XPNPEP3: variants seen among roughly 807,000 people sequenced by gnomAD.
XPNPEP3 encodes X-prolyl aminopeptidase 3.
XPNPEP3 carries 41 observed loss-of-function variants against 60.0 expected under a neutral mutation model. The observed-to-expected ratio is 0.68, with a 90% confidence interval of 0.53 to 0.89. XPNPEP3 has a LOEUF of 0.89. Among genes scored for constraint, XPNPEP3 ranks in the 40% least tolerant of loss-of-function variants. XPNPEP3 has a pLI of 0.00. For synonymous variants in XPNPEP3, 212 were observed against 223.2 expected (o/e 0.95, Z 0.45); for missense variants, 598 against 638.9 (o/e 0.94, Z 0.69).
chr22:40,862,716 A>C (rs977422960), intron 1 of XPNPEP3: 24 of 985,344 alleles, frequency 2.4e-5, no homozygotes, highest in African/African-American at 5.2e-5. Context: ...TTGTCCACCC[A>C]AGGTTTACTG....
chr22:40,890,449 C>T (rs1601504345), intron 4 of XPNPEP3, among the ~76,000 whole-genome samples: 1 of 151,818 alleles, frequency 6.6e-6, no homozygotes, highest in Non-Finnish European at 1.5e-5. Context: ...TGAGGTAGGA[C>T]GATCACTTGA....
intron 4 of XPNPEP3, among the ~76,000 whole-genome samples, chr22:40,897,959 G>A (rs1468398587): frequency 6.6e-6 from 1 of 151,974 alleles, no homozygotes; most frequent in African/African-American, 2.4e-5. Flanking sequence ...TGAGTTGTGG[G>A]AATTCCTTAT....
intron 4 of XPNPEP3, among the ~76,000 whole-genome samples, chr22:40,899,084 A>G (rs993041725): frequency 1.3e-5 from 2 of 152,206 alleles, no homozygotes; most frequent in East Asian, 3.8e-4. Context: ...AGAGTTCCTC[A>G]GGGTATTGCA....
Position 40,860,535 on chromosome 22 carries a change from T to C in XPNPEP3, c.64+3290T>C, listed in dbSNP as rs2057936498. The C allele has an allele frequency of 1.1e-5, 8 of 760,556 alleles. No individual in the cohort carries two copies. In the South Asian group the frequency reaches 2.4e-4, roughly 23 times the overall value. The allele number at this position is 760,556 out of a possible 1,614,324, so 47.1% of individuals were successfully genotyped here. The stretch of plus-strand genomic sequence containing the variant: ...TGTGTCTTGATACATTCTTGTCTTC[T>C]AATGCTATGCATGTTTCGTAAGTTT... On this transcript the variant is annotated intron_variant, in intron 1 of 9. Coordinates refer to ENST00000357137, the MANE Select transcript of XPNPEP3 (RefSeq NM_022098.4).
chr22:40,861,085 A>T (rs1236725325), intron 1 of XPNPEP3: 1 of 1,590,212 alleles, frequency 6.3e-7, no homozygotes, highest in South Asian at 1.2e-5. Context: ...CTTTTGGTAG[A>T]CTTCTTTTGC....
At chr22:40,872,357 C>T (rs564003620) in intron 2 of XPNPEP3, among the ~76,000 whole-genome samples, 1 of 152,168 alleles carries the variant, frequency 6.6e-6, no homozygotes, top group East Asian at 1.9e-4. Context: ...AAATGTTGGT[C>T]AGTCTCTTTG....
chr22:40,877,410 T>G (rs1233877199), intron 2 of XPNPEP3, among the ~76,000 whole-genome samples: 5 of 152,232 alleles, frequency 3.3e-5, no homozygotes, highest in African/African-American at 1.2e-4. Context: ...AATACAAACC[T>G]AGATTGTAGT....
chr22:40,862,752 G>A (rs2057957937), intron 1 of XPNPEP3: 1 of 985,364 alleles, frequency 1.0e-6, no homozygotes, highest in Non-Finnish European at 1.2e-6. Flanking sequence ...TTAAAGATTT[G>A]GAAAGTTGTG....
chr22:40,896,406 C>T (rs1441158181), intron 4 of XPNPEP3, among the ~76,000 whole-genome samples: 1 of 152,056 alleles, frequency 6.6e-6, no homozygotes, highest in African/African-American at 2.4e-5. Flanking sequence ...TGGCGCATGC[C>T]TGCAATCCCA....
intron 3 of XPNPEP3, among the ~76,000 whole-genome samples, chr22:40,885,842 C>T (rs1444843122): frequency 1.3e-5 from 2 of 152,104 alleles, no homozygotes; most frequent in Non-Finnish European, 2.9e-5. Context: ...ATTAGCTGGG[C>T]ATGGTGGCGG....
chr22:40,910,549 T>C (rs2058173419), intron 6 of XPNPEP3, among the ~76,000 whole-genome samples: 1 of 150,546 alleles, frequency 6.6e-6, no homozygotes, highest in South Asian at 2.1e-4. Context: ...TACAAAAAAA[T>C]ACAAAAATGA....
chr22:40,910,562 C>G (rs1001799011), intron 6 of XPNPEP3, among the ~76,000 whole-genome samples: 1 of 151,814 alleles, frequency 6.6e-6, no homozygotes, highest in East Asian at 1.9e-4. Context: ...AAAAATGAAC[C>G]AGGCGTGATG....
intron 1 of XPNPEP3, chr22:40,862,277 T>A: frequency 1.8e-6 from 2 of 1,118,278 alleles, no homozygotes; most frequent in Non-Finnish European, 2.2e-6. Context: ...CAGACCATCC[T>A]GAATCCTCTG....
chr22:40,885,748 A>G (rs1373127709), intron 3 of XPNPEP3, among the ~76,000 whole-genome samples: 8 of 152,080 alleles, frequency 5.3e-5, no homozygotes, highest in African/African-American at 1.9e-4. Context: ...ACTTTGGGAG[A>G]CTGAGGCGGG....
chr22:40,892,612 G>A (rs1016113308), intron 4 of XPNPEP3, among the ~76,000 whole-genome samples: 5 of 152,062 alleles, frequency 3.3e-5, no homozygotes, highest in African/African-American at 7.2e-5. Context: ...ACATGTTGTC[G>A]CCATTAAATG....
In XPNPEP3 at chr22:40,882,178, G is replaced by T. The variant is rs897916141; in HGVS notation, c.589+1G>T. Reference sequence around the variant, plus strand: ...CAACATCTTCTACCAAAAATGAAAGGTAACAAATGGGAGCAGAAGTCACAT... The same window carrying T: ...CAACATCTTCTACCAAAAATGAAAGTTAACAAATGGGAGCAGAAGTCACAT... On this transcript the variant is annotated splice_donor_variant, in intron 3 of 9. Coordinates refer to ENST00000357137, the MANE Select transcript of XPNPEP3 (RefSeq NM_022098.4). LOFTEE classifies it high-confidence loss of function. 7.4e-6 allele frequency: 12 copies of T among 1,613,936 alleles called. No homozygotes were observed. Among genetic ancestry groups the T allele is most frequent in the Non-Finnish European group, 1.0e-5 (12 of 1,180,040 alleles).
chr22:40,907,087 G>A (rs2058158526), intron 4 of XPNPEP3: 1 of 456,108 alleles, frequency 2.2e-6, no homozygotes, highest in South Asian at 1.5e-5. Context: ...AATTTTGGAG[G>A]GGACACATTC....
At chr22:40,865,968 T>C (rs914020795) in intron 1 of XPNPEP3, among the ~76,000 whole-genome samples, 1 of 152,210 alleles carries the variant, frequency 6.6e-6, no homozygotes, top group Non-Finnish European at 1.5e-5. Flanking sequence ...ATCTGTGTGC[T>C]TATAACACCC....
chr22:40,882,214 A>G (rs891043561), intron 3 of XPNPEP3, 37 bp downstream of exon 3: 1 of 1,612,048 alleles, frequency 6.2e-7, no homozygotes, highest in African/African-American at 1.3e-5. Flanking sequence ...TACAAACCAG[A>G]TTGGGATTAA....
Sources: gnomAD v4.1 joint callset for allele counts (sites outside exome capture counted in the v4.1 genomes callset) on GRCh38, gnomAD v4.1.1 for gene constraint, MANE v1.5 for transcripts, NCBI Gene and HGNC (gene_info 2026-07-23, HGNC 2026-07-21) for gene names.